CAD: variants seen among roughly 807,000 people sequenced by gnomAD.
The protein encoded by CAD is multifunctional protein CAD.
A neutral mutation model predicts 237.2 loss-of-function variants in CAD; 81 were observed. That is an observed-to-expected ratio of 0.34 (90% confidence interval 0.29 to 0.41). The LOEUF is 0.41. CAD is among the 10% of genes least tolerant of loss of function. The pLI, the probability that CAD is intolerant of heterozygous loss-of-function variation, is 1.00. For synonymous variants in CAD, 1,196 were observed against 1,162.8 expected, an observed-to-expected ratio of 1.03 and a Z score of -0.58; for missense variants, 2,181 against 2,951.7, an observed-to-expected ratio of 0.74 and a Z score of 6.05.
Position 27,223,849 on chromosome 2 carries a change from C to T in CAD, c.996-68C>T. On this transcript the variant is annotated intron_variant, in intron 7 of 43. Transcript: ENST00000264705. ...TGGATCCGAGTCCCCTGTCCCACTACCCACCTCGAGGCTGCCAGTGTCATG... is the reference window on the plus strand; with the variant it reads ...TGGATCCGAGTCCCCTGTCCCACTATCCACCTCGAGGCTGCCAGTGTCATG... 4 of 1,541,438 alleles carry T rather than the reference C, an allele frequency of 2.6e-6. No homozygotes were observed. In the Middle Eastern group the frequency reaches 6.7e-4, roughly 260 times the overall value.
chr2:27,223,789 G>C (rs1406673382), intron 7 of CAD, 41 bp downstream of exon 7: 1 of 1,605,856 alleles, frequency 6.2e-7, no homozygotes, highest in African/African-American at 1.3e-5. Flanking sequence ...TTGAAGCCCT[G>C]TGGGCCTTGA....
In CAD at chr2:27,236,226, C is replaced by T. The variant is rs1187222951; in HGVS notation, c.4075-58C>T. The T allele has an allele frequency of 2.5e-6, 4 of 1,593,060 alleles. No individual in the cohort carries two copies. In the East Asian group the frequency reaches 6.7e-5, roughly 27 times the overall value. On this transcript the variant is annotated intron_variant, in intron 25 of 43. Coordinates refer to ENST00000264705, the MANE Select transcript of CAD (RefSeq NM_004341.5). The surrounding 1 kb of genome is among the most constrained non-coding windows in gnomAD (Gnocchi z 4.1). Reference sequence around the variant, plus strand: ...CTGGGCCAGCTCCTCTCCCTTAAGGCTAGCCTTCCTGACCGCTGCCAGACA... The same window carrying T: ...CTGGGCCAGCTCCTCTCCCTTAAGGTTAGCCTTCCTGACCGCTGCCAGACA...
In CAD at chr2:27,231,983, T is replaced by G; in HGVS notation, c.2404T>G (p.Leu802Val). The change falls in exon 17 of 44, where the codon TTG becomes GTG. Residue 802 changes from leucine (L) to valine (V), a missense_variant. By Grantham distance (32) the Leu-to-Val change is conservative. This residue lies in a region of CAD where 385 missense variants were observed against 535.1 expected (regional missense o/e 0.72). Coordinates refer to ENST00000264705, the MANE Select transcript of CAD (RefSeq NM_004341.5). Reference sequence around the variant, plus strand: ...CTGTCTACCCCCTTTCTATCAGGAGTTGGAGACTCCAACAGATAAGCGGAT... The same window carrying G: ...CTGTCTACCCCCTTTCTATCAGGAGGTGGAGACTCCAACAGATAAGCGGAT... ...HTVKPVSDMELETPTDKRIFV... is the reference protein window; with the variant it reads ...HTVKPVSDMEVETPTDKRIFV... The G allele has an allele frequency of 1.2e-6, 2 of 1,614,014 alleles. No homozygotes were observed. Among genetic ancestry groups the G allele is most frequent in the Non-Finnish European group, 1.7e-6 (2 of 1,179,980 alleles).
Position 27,236,534 on chromosome 2 carries a change from C to T in CAD, c.4314+11C>T. ...AAACTCTTTGTGGAGGTAACTGAGA[C>T]CCATGTGCTGGGAGGGAGACTGCCA... On this transcript the variant is annotated intron_variant, in intron 26 of 43. Coordinates refer to ENST00000264705, the MANE Select transcript of CAD (RefSeq NM_004341.5). The surrounding 1 kb of genome is among the most constrained non-coding windows in gnomAD (Gnocchi z 4.1). The T allele has an allele frequency of 1.9e-6, 3 of 1,608,894 alleles. No homozygotes were observed. Among genetic ancestry groups the T allele is most frequent in the Non-Finnish European group, 2.5e-6 (3 of 1,179,300 alleles).
Position 27,236,623 on chromosome 2 carries a change from T to C in CAD, c.4314+100T>C. 6.4e-7 allele frequency: 1 copy of C among 1,570,552 alleles called. No individual in the cohort carries two copies. The highest frequency in any genetic ancestry group is 8.7e-7 in the Non-Finnish European group (1 of 1,145,678). The stretch of plus-strand genomic sequence containing the variant: ...GAACAGCCATGCTAGTAATAAAGCT[T>C]TGTGGCTACAGAGGGAGAGATGGTG... On this transcript the variant is annotated intron_variant, in intron 26 of 43. Transcript: ENST00000264705. This position sits in a 1 kb window ranked among gnomAD's most constrained non-coding sequence, Gnocchi z 4.1.
At chr2:27,221,902 A>G (rs1572422731) in intron 3 of CAD, among the ~76,000 whole-genome samples, 1 of 147,368 alleles carries the variant, frequency 6.8e-6, no homozygotes, top group Non-Finnish European at 1.5e-5. Flanking sequence ...CTAGTATCCC[A>G]TAGTCTGCAC....
rs767823365 is a variant in CAD, at chr2:27,237,821, A to C, written c.4667A>C (p.Lys1556Thr). ...GTVAGSAAGL[K>T]LYLNETFSEL... ...GTGGCCGGGTCTGCAGCCGGGCTGA[A>C]GCTTTACCTCAATGAGACCTTCTCT... Residue 1556 changes from lysine to threonine, a missense_variant, in exon 29 of 44, where the codon AAG becomes ACG. Around this residue, in one of 12 missense-constraint regions of CAD, gnomAD observed 478 missense variants for 515.0 expected, o/e 0.93. Coordinates refer to ENST00000264705, the MANE Select transcript of CAD (RefSeq NM_004341.5). The surrounding 1 kb of genome is among the most constrained non-coding windows in gnomAD (Gnocchi z 4.0). The C allele has an allele frequency of 1.2e-6, 2 of 1,614,180 alleles. No homozygotes were observed. Among genetic ancestry groups the C allele is most frequent in the Admixed American group, 3.3e-5 (2 of 60,016 alleles).
At position 27,233,523 on chromosome 2, in the gene CAD, T is replaced by C. The variant is rs1405876472; in HGVS notation, c.3203T>C (p.Leu1068Pro). ...IGISQPQWRE[L>P]SDLESARQFC... ...ATCAGCCAGCCTCAGTGGAGGGAGC[T>C]CAGTGACCTCGAGGTGGGCTGGGAC... Residue 1068 changes from leucine to proline, a missense_variant, in exon 20 of 44, where the codon CTC (leucine) becomes CCC (proline). Transcript: ENST00000264705. The surrounding 1 kb of genome is among the most constrained non-coding windows in gnomAD (Gnocchi z 6.3). 3 of 1,614,096 alleles carry C rather than the reference T, an allele frequency of 1.9e-6. No homozygotes were observed. The highest frequency in any genetic ancestry group is 2.2e-5 in the South Asian group (2 of 91,084).
intron 10 of CAD, 36 bp from the exon 11 acceptor site, chr2:27,224,974 G>A (rs1033969711): frequency 4.4e-6 from 7 of 1,605,842 alleles, no homozygotes; most frequent in South Asian, 3.3e-5. Context: ...CTACCCACAA[G>A]GTTCTGATGC....
At position 27,235,463 on chromosome 2, in the gene CAD, GCT is replaced by G; in HGVS notation, c.3969+38_3969+39del. 3.1e-6 allele frequency: 5 copies of G among 1,608,328 alleles called. No homozygotes were observed. The highest frequency in any genetic ancestry group is 1.3e-5 in the African/African-American group (1 of 74,870). ...CCAGGAGGGCTTCCCGAGGGCCGTGGCTCCCTGGGCCAGGGCTGACCTTGAAA... is the reference window on the plus strand; with the variant it reads ...CCAGGAGGGCTTCCCGAGGGCCGTGGCCCTGGGCCAGGGCTGACCTTGAAA... On this transcript the variant is annotated intron_variant, in intron 24 of 43. Transcript: ENST00000264705. This position sits in a 1 kb window ranked among gnomAD's most constrained non-coding sequence, Gnocchi z 5.2.
At chr2:27,218,162 G>A (rs962710633) in intron 2 of CAD, 146 bp downstream of exon 2, 2 of 677,514 alleles carry the variant, frequency 3.0e-6, no homozygotes, top group African/African-American at 1.9e-5. Context: ...AAGATCACTA[G>A]TAACTGTAGT....
rs1011745512 is a variant in CAD, at chr2:27,233,919, A to C, written c.3400-89A>C. ...GCACCAGGGCTGGGAACAGTGGGCT[A>C]TGTGGGGCTCGTTAAAGGAAGAGAC... On this transcript the variant is annotated intron_variant, in intron 21 of 43. Coordinates refer to ENST00000264705, the MANE Select transcript of CAD (RefSeq NM_004341.5). The surrounding 1 kb of genome is among the most constrained non-coding windows in gnomAD (Gnocchi z 6.3). 48 of 1,542,344 alleles carry C rather than the reference A, an allele frequency of 3.1e-5. No individual in the cohort carries two copies. The highest frequency in any genetic ancestry group is 3.8e-5 in the Non-Finnish European group (43 of 1,121,996).
chr2:27,240,831 A>T lies in CAD; in HGVS notation c.5594-80A>T, dbSNP rs1352046127. 9 of 1,497,686 alleles carry T rather than the reference A, an allele frequency of 6.0e-6. No homozygotes were observed. The highest frequency in any genetic ancestry group is 8.3e-6 in the Non-Finnish European group (9 of 1,078,204). The allele number at this position is 1,497,686 out of a possible 1,614,324, so 92.8% of individuals were successfully genotyped here. ...GAATTGGTTTAACATATACACTGTGATTCAGAGTTCCTGGGAATATGGGGT... is the reference window on the plus strand; with the variant it reads ...GAATTGGTTTAACATATACACTGTGTTTCAGAGTTCCTGGGAATATGGGGT... On this transcript the variant is annotated intron_variant, in intron 35 of 43. Transcript: ENST00000264705. This position sits in a 1 kb window ranked among gnomAD's most constrained non-coding sequence, Gnocchi z 4.6.
Position 27,217,636 on chromosome 2 carries a change from A to G in CAD, c.82+3A>G. On this transcript the variant is annotated splice_donor_region_variant and intron_variant, in intron 1 of 43. Transcript: ENST00000264705. ...CGTGTCGACTGCCGGGGAAGTGGGTAAGCAAGCCCGGTTAGGCTGCAGACC... is the reference window on the plus strand; with the variant it reads ...CGTGTCGACTGCCGGGGAAGTGGGTGAGCAAGCCCGGTTAGGCTGCAGACC... 1.2e-6 allele frequency: 2 copies of G among 1,603,804 alleles called. No homozygotes were observed. The highest frequency in any genetic ancestry group is 1.7e-5 in the Admixed American group (1 of 59,116).
Position 27,240,041 on chromosome 2 carries a change from G to T in CAD, c.5497-224G>T. On this transcript the variant is annotated intron_variant, in intron 34 of 43. Coordinates refer to ENST00000264705, the MANE Select transcript of CAD (RefSeq NM_004341.5). This position sits in a 1 kb window ranked among gnomAD's most constrained non-coding sequence, Gnocchi z 4.6. Reference sequence around the variant, plus strand: ...GGATCATCTGAGGTCAGGAGTTTAAGACCAGCCTAGCCAACATGGTGAAAC... The same window carrying T: ...GGATCATCTGAGGTCAGGAGTTTAATACCAGCCTAGCCAACATGGTGAAAC... 3.4e-6 allele frequency: 2 copies of T among 596,084 alleles called. No individual in the cohort carries two copies. The highest frequency in any genetic ancestry group is 5.9e-6 in the Non-Finnish European group (2 of 340,176). 36.9% of individuals were successfully genotyped at this position (596,084 alleles called of 1,614,324 possible). A position where few individuals can be genotyped will look rare whatever the true frequency, so the allele number is the denominator to read the frequency against.
chr2:27,233,151 T>A lies in CAD; in HGVS notation c.2991+11T>A. 2 of 1,580,898 alleles carry A rather than the reference T, an allele frequency of 1.3e-6. No homozygotes were observed. The highest frequency in any genetic ancestry group is 1.7e-6 in the Non-Finnish European group (2 of 1,149,726). ...GAGATCTCTTTTGAGGTGAGGGAGA[T>A]GGAGGCTTCCTGGTAGCTTGAGTGG... On this transcript the variant is annotated intron_variant, in intron 19 of 43. Transcript: ENST00000264705. This position sits in a 1 kb window ranked among gnomAD's most constrained non-coding sequence, Gnocchi z 6.3.
intron 15 of CAD, among the ~76,000 whole-genome samples, chr2:27,230,432 G>T (rs1297021289): frequency 6.6e-6 from 1 of 152,084 alleles, no homozygotes; most frequent in Non-Finnish European, 1.5e-5. Context: ...ACGGGGTCAG[G>T]AGTTTGAGAC....
intron 2 of CAD, among the ~76,000 whole-genome samples, chr2:27,219,776 A>T (rs1459802040): frequency 9.2e-5 from 14 of 151,962 alleles, no homozygotes; most frequent in Admixed American, 9.2e-4. Context: ...TTTAGTAGAG[A>T]CAGGGTTTCT....
rs529298259 is a variant in CAD, at chr2:27,239,083, C to T, written c.5104C>T (p.Pro1702Ser). 93 of 1,598,794 alleles carry T rather than the reference C, an allele frequency of 5.8e-5. No individual in the cohort carries two copies. In the South Asian group the frequency reaches 1.0e-3, roughly 17 times the overall value. The change falls in exon 32 of 44, where the codon CCT becomes TCT. Residue 1702 changes from proline to serine, a missense_variant. Transcript: ENST00000264705. This position sits in a 1 kb window ranked among gnomAD's most constrained non-coding sequence, Gnocchi z 4.0. The part of the protein sequence containing the change: ...LEEKCGSRPP[P>S]GFPGLETMLP... ...GGAGAAGTGTGGGTCCAGGCCCCCA[C>T]CTGGGTTCCCAGGGTTAGAGACCAT... is the stretch of plus-strand genomic sequence containing the variant.
Sources: allele counts gnomAD v4.1 joint callset (sites outside exome capture counted in the v4.1 genomes callset), GRCh38; gene constraint gnomAD v4.1.1; regional missense constraint gnomAD v4.1.1; non-coding constraint Gnocchi (gnomAD v3.1); transcripts MANE v1.5; gene names NCBI Gene and HGNC (gene_info 2026-07-23, HGNC 2026-07-21).